Variants in KLHL2 observed in about 807,000 individuals in gnomAD.
The protein encoded by KLHL2 is kelch-like protein 2.
KLHL2 carries 15 observed loss-of-function variants against 75.8 expected under a neutral mutation model. The ratio of observed to expected loss-of-function variants is 0.20; its 90% confidence interval spans 0.13 to 0.30. The LOEUF is 0.30. Among genes scored for constraint, KLHL2 ranks in the 10% least tolerant of loss-of-function variants. The probability of loss-of-function intolerance (pLI) is 1.00; values close to 1 mark genes in which losing one functional copy is unlikely to be tolerated. For missense variants in KLHL2, 381 were observed against 741.0 expected (o/e 0.51, Z 5.64); for synonymous variants, 214 against 251.9 (o/e 0.85, Z 1.42).
intron 5 of KLHL2, 133 bp from the exon 6 acceptor site, chr4:165,294,226 C>A (rs1744736646): frequency 5.2e-6 from 3 of 578,786 alleles, no homozygotes; most frequent in Admixed American, 5.9e-5. Flanking sequence ...CTTGTTAGTT[C>A]TTGCCTGGAG....
chr4:165,320,461 C>T (rs754067737), intron 14 of KLHL2, among the ~76,000 whole-genome samples: 2 of 152,126 alleles, frequency 1.3e-5, no homozygotes, highest in Non-Finnish European at 2.9e-5. Context: ...GTGCCCTTGG[C>T]CACCCAGAAC....
At chr4:165,225,707 A>G (rs941296981) in intron 2 of KLHL2, among the ~76,000 whole-genome samples, 1 of 152,222 alleles carries the variant, frequency 6.6e-6, no homozygotes, top group Non-Finnish European at 1.5e-5. Flanking sequence ...ACACACTGAT[A>G]TACACTCATT....
chr4:165,244,591 T>G (rs1017068354), intron 4 of KLHL2, among the ~76,000 whole-genome samples: 2 of 152,136 alleles, frequency 1.3e-5, no homozygotes, highest in African/African-American at 4.8e-5. Flanking sequence ...AAACAGTCAT[T>G]GATGGAATAT....
chr4:165,279,079 G>T, intron 5 of KLHL2: 1 of 1,539,564 alleles, frequency 6.5e-7, no homozygotes, highest in Non-Finnish European at 9.0e-7. Flanking sequence ...CTCCATTGAC[G>T]CCTCCTGTCA....
At chr4:165,255,964 T>C (rs1172779821) in intron 4 of KLHL2, among the ~76,000 whole-genome samples, 1 of 152,122 alleles carries the variant, frequency 6.6e-6, no homozygotes. Flanking sequence ...ACATAAATTA[T>C]TTCCCCCTAT....
intron 8 of KLHL2, among the ~76,000 whole-genome samples, chr4:165,301,742 G>C (rs188533535): frequency 8.3e-4 from 127 of 152,170 alleles, no homozygotes; most frequent in Admixed American, 1.4e-3. Context: ...TAAATAATGT[G>C]CTATATCTTT....
At chr4:165,258,807 A>G (rs1393808818) in intron 4 of KLHL2, among the ~76,000 whole-genome samples, 1 of 152,204 alleles carries the variant, frequency 6.6e-6, no homozygotes, top group Non-Finnish European at 1.5e-5. Flanking sequence ...ATTTTCAGTG[A>G]TATGTAAAAC....
chr4:165,306,582 G>C (rs887960241), intron 9 of KLHL2, among the ~76,000 whole-genome samples: 19 of 152,146 alleles, frequency 1.2e-4, no homozygotes, highest in African/African-American at 4.3e-4. Context: ...AAATATGAAG[G>C]TGCCAGTTTC....
chr4:165,274,591 A>G (rs1742931151), intron 5 of KLHL2, among the ~76,000 whole-genome samples: 1 of 147,988 alleles, frequency 6.8e-6, no homozygotes, highest in African/African-American at 2.5e-5. Flanking sequence ...CCTGGGTGAC[A>G]GAGTGAGACT....
At chr4:165,293,454 A>G (rs979286014) in intron 5 of KLHL2, among the ~76,000 whole-genome samples, 1 of 151,854 alleles carries the variant, frequency 6.6e-6, no homozygotes, top group Non-Finnish European at 1.5e-5. Context: ...TAAACTATTT[A>G]TTTAGAATTC....
At chr4:165,304,633 A>G (rs1745589771) in intron 8 of KLHL2, among the ~76,000 whole-genome samples, 1 of 152,226 alleles carries the variant, frequency 6.6e-6, no homozygotes, top group East Asian at 1.9e-4. Context: ...AGGCAGACAC[A>G]TTGATTTCTA....
Position 165,238,867 on chromosome 4 carries a change from G to A in KLHL2, c.349G>A (p.Ala117Thr). Residue 117 changes from alanine to threonine, a missense_variant, in exon 4 of 15, where the codon GCA (alanine) becomes ACA (threonine). Ala to Thr is a moderately conservative substitution (Grantham distance 58). Around this residue, in one of 5 missense-constraint regions of KLHL2, gnomAD observed 51 missense variants for 101.3 expected, o/e 0.50. Transcript: ENST00000226725. ...LRMLIDYVYT[A>T]EIQVTEENVQ... Reference sequence around the variant, plus strand: ...GATGCTAATTGATTATGTTTACACTGCAGAAATTCAGGTTACAGAAGAAAA... The same window carrying A: ...GATGCTAATTGATTATGTTTACACTACAGAAATTCAGGTTACAGAAGAAAA... 1 of 1,613,914 alleles carries A rather than the reference G, an allele frequency of 6.2e-7. No individual in the cohort carries two copies. The highest frequency in any genetic ancestry group is 1.1e-5 in the South Asian group (1 of 91,042).
intron 4 of KLHL2, among the ~76,000 whole-genome samples, chr4:165,257,592 C>T (rs1741290952): frequency 6.6e-6 from 1 of 152,070 alleles, no homozygotes; most frequent in Non-Finnish European, 1.5e-5. Flanking sequence ...GTGGGTTGGG[C>T]AAGAAGTAAG....
chr4:165,209,920 T>C (rs1737086339), intron 1 of KLHL2: 1 of 1,101,980 alleles, frequency 9.1e-7, no homozygotes, highest in African/African-American at 1.6e-5. Context: ...CCTTGGCCTG[T>C]TTGCCTCCAC....
At position 165,313,952 on chromosome 4, in the gene KLHL2, C is replaced by T. The variant is rs553203527; in HGVS notation, c.1469-74C>T. ...AACTTCGAAAGTTTTAGTTACAAGTCATTTAAATAAACCTAATATGATATA... is the reference window on the plus strand; with the variant it reads ...AACTTCGAAAGTTTTAGTTACAAGTTATTTAAATAAACCTAATATGATATA... On this transcript the variant is annotated intron_variant, in intron 12 of 14. Transcript: ENST00000226725. The T allele has an allele frequency of 5.6e-6, 8 of 1,423,572 alleles. No homozygotes were observed. In the South Asian group the frequency reaches 1.0e-4, roughly 18 times the overall value. 88.2% of individuals were successfully genotyped at this position (1,423,572 alleles called of 1,614,324 possible).
At chr4:165,246,433 A>G (rs1477198470) in intron 4 of KLHL2, among the ~76,000 whole-genome samples, 1 of 151,832 alleles carries the variant, frequency 6.6e-6, no homozygotes, top group African/African-American at 2.4e-5. Flanking sequence ...TAGCTGGAGG[A>G]TGGACTGTGG....
chr4:165,266,911 A>G (rs1742287395), intron 5 of KLHL2, among the ~76,000 whole-genome samples: 1 of 152,106 alleles, frequency 6.6e-6, no homozygotes, highest in African/African-American at 2.4e-5. Context: ...TACCTTGGGC[A>G]GTATGGCCAT....
chr4:165,278,088 C>T (rs1221158877), intron 5 of KLHL2: 2 of 1,557,884 alleles, frequency 1.3e-6, no homozygotes, highest in Admixed American at 3.3e-5. Context: ...TCACCACCTT[C>T]TGGAGATTGA....
At chr4:165,249,921 G>A (rs1033419275) in intron 4 of KLHL2, among the ~76,000 whole-genome samples, 3 of 152,238 alleles carry the variant, frequency 2.0e-5, no homozygotes, top group Non-Finnish European at 2.9e-5. Flanking sequence ...TCAGGAGATC[G>A]AGACCATCCT....
Sources: gnomAD v4.1 joint callset for allele counts (sites outside exome capture counted in the v4.1 genomes callset) on GRCh38, gnomAD v4.1.1 for gene constraint, gnomAD v4.1.1 regional missense constraint, MANE v1.5 for transcripts, NCBI Gene and HGNC (gene_info 2026-07-23, HGNC 2026-07-21) for gene names.